Variants in PITPNM3 observed in about 807,000 individuals in gnomAD.
PITPNM3 encodes PITPNM family member 3.
PITPNM3 carries 26 observed loss-of-function variants against 102.0 expected under a neutral mutation model. The observed-to-expected ratio is 0.25, with a 90% CI of 0.19 to 0.35. The LOEUF is 0.35. PITPNM3 is among the 10% of genes least tolerant of loss of function. The probability of loss-of-function intolerance (pLI) is 1.00; values close to 1 mark genes in which losing one functional copy is unlikely to be tolerated. For missense variants in PITPNM3, 1,083 were observed against 1,346.1 expected, an observed-to-expected ratio of 0.80 and a Z score of 3.06; for synonymous variants, 578 against 558.6, an observed-to-expected ratio of 1.03 and a Z score of -0.49.
intron 14 of PITPNM3, among the ~76,000 whole-genome samples, chr17:6,467,570 C>T (rs962205258): frequency 1.3e-5 from 2 of 152,206 alleles, no homozygotes; most frequent in Admixed American, 6.5e-5. Context: ...TCTCCTTCTA[C>T]CTTTTAGGAC....
At chr17:6,491,159 G>A (rs1053003496) in intron 4 of PITPNM3, among the ~76,000 whole-genome samples, 3 of 150,392 alleles carry the variant, frequency 2.0e-5, no homozygotes, top group Non-Finnish European at 3.0e-5. Context: ...GCTCTGATAG[G>A]TACTCTTGGA....
At chr17:6,547,594 G>A (rs994005191) in intron 1 of PITPNM3, among the ~76,000 whole-genome samples, 4 of 152,158 alleles carry the variant, frequency 2.6e-5, no homozygotes, top group Non-Finnish European at 5.9e-5. Flanking sequence ...AGGACAGCAG[G>A]AGGCATTCCT....
Position 6,470,526 on chromosome 17 carries a change from G to A in PITPNM3, c.1625-118C>T. 2.2e-6 allele frequency: 3 copies of A among 1,391,800 alleles called. No homozygotes were observed. Among genetic ancestry groups the A allele is most frequent in the Admixed American group, 3.6e-5 (2 of 54,988 alleles). The allele number at this position is 1,391,800 out of a possible 1,614,324, so 86.2% of individuals were successfully genotyped here. The stretch of plus-strand genomic sequence containing the variant: ...ATGCCCCACGTGGGGCACGGGTTTG[G>A]GCGGGAGCACCCTGGCCTGGAGGAG... On this transcript the variant is annotated intron_variant, in intron 12 of 19. Transcript: ENST00000262483. This position sits in a 1 kb window ranked among gnomAD's most constrained non-coding sequence, Gnocchi z 4.8.
intron 4 of PITPNM3, among the ~76,000 whole-genome samples, chr17:6,499,211 G>T (rs1027409518): frequency 6.6e-6 from 1 of 152,300 alleles, no homozygotes; most frequent in East Asian, 1.9e-4. Context: ...ACAGCAGGCT[G>T]CCAGGCTGCC....
At position 6,463,796 on chromosome 17, in the gene PITPNM3, C is replaced by T. The variant is rs139258076; in HGVS notation, c.2242G>A (p.Ala748Thr). The change falls in exon 17 of 20, where the codon GCG becomes ACG. Residue 748 changes from alanine (A) to threonine (T), a missense_variant. By Grantham distance (58) the Ala-to-Thr change is moderately conservative (BLOSUM62 0). Transcript: ENST00000262483. ...CTTCCCATGATAGACACGCTGGCCG[C>T]GAAGGACCCATCAATGCTGAACACT... ...CVVFSIDGSF[A>T]ASVSIMGSDP... 4.3e-6 allele frequency: 7 copies of T among 1,613,268 alleles called. No individual in the cohort carries two copies. Among genetic ancestry groups the T allele is most frequent in the South Asian group, 2.2e-5 (2 of 90,954 alleles).
At position 6,457,284 on chromosome 17, in the gene PITPNM3, G is replaced by A. The variant is rs1216821253; in HGVS notation, c.2619+310C>T. 2.0e-5 allele frequency among the ~76,000 whole-genome samples: 3 copies of A among 152,126 alleles called. No homozygotes were observed. Among genetic ancestry groups the A allele is most frequent in the African/African-American group, 7.2e-5 (3 of 41,418 alleles). ...AGTCTGGGTTAGCGGTCCCTCTCCAGGGCCCCACAGTTCCCTGTGCTCCCG... is the reference window on the plus strand; with the variant it reads ...AGTCTGGGTTAGCGGTCCCTCTCCAAGGCCCCACAGTTCCCTGTGCTCCCG... On this transcript the variant is annotated intron_variant, in intron 19 of 19. Coordinates refer to ENST00000262483, the MANE Select transcript of PITPNM3 (RefSeq NM_031220.4). This position sits in a 1 kb window ranked among gnomAD's most constrained non-coding sequence, Gnocchi z 4.7.
intron 3 of PITPNM3, among the ~76,000 whole-genome samples, chr17:6,507,444 C>T (rs919060578): frequency 3.3e-5 from 5 of 151,992 alleles, no homozygotes; most frequent in African/African-American, 1.2e-4. Flanking sequence ...ATTAGCTGGG[C>T]GTGGTGGCGC....
intron 3 of PITPNM3, among the ~76,000 whole-genome samples, chr17:6,519,465 G>A (rs986448989): frequency 5.3e-5 from 8 of 151,382 alleles, no homozygotes; most frequent in African/African-American, 1.9e-4. Context: ...CTTGCAGTGA[G>A]CCGAGATAGC....
chr17:6,463,163 C>A (rs1404532132), intron 17 of PITPNM3, among the ~76,000 whole-genome samples: 3 of 152,134 alleles, frequency 2.0e-5, no homozygotes, highest in Admixed American at 1.3e-4. Context: ...GTCTTCTCTC[C>A]CCAAAACCGT....
At position 6,537,256 on chromosome 17, in the gene PITPNM3, C is replaced by CTTTTTTTTTTTT. The variant is rs201959934; in HGVS notation, c.118+719_118+730dup. ...TATGAGGCTCATTTATTTTTTCTTT[C>CTTTTTTTTTTTT]TTTTTTTTTTTTTTTTTTCTGAGAC... is the stretch of plus-strand genomic sequence containing the variant. On this transcript the variant is annotated intron_variant, in intron 2 of 19. Transcript: ENST00000262483. The surrounding 1 kb of genome is among the most constrained non-coding windows in gnomAD (Gnocchi z 4.4). Among the ~76,000 whole-genome samples, 1 of 128,280 alleles carries CTTTTTTTTTTTT rather than the reference C, an allele frequency of 7.8e-6. No individual in the cohort carries two copies. The highest frequency in any genetic ancestry group is 3.2e-5 in the African/African-American group (1 of 31,734). 84.2% of individuals were successfully genotyped at this position (128,280 alleles called of 152,430 possible).
In PITPNM3 at chr17:6,472,713, A is replaced by G; in HGVS notation, c.1373T>C (p.Val458Ala). 6.2e-7 allele frequency: 1 copy of G among 1,614,026 alleles called. No individual in the cohort carries two copies. The highest frequency in any genetic ancestry group is 8.5e-7 in the Non-Finnish European group (1 of 1,179,978). Residue 458 changes from valine (V) to alanine (A), a missense_variant, in exon 11 of 20, where the codon GTC becomes GCC. By Grantham distance (64) the Val-to-Ala change is moderately conservative. Coordinates refer to ENST00000262483, the MANE Select transcript of PITPNM3 (RefSeq NM_031220.4). This position sits in a 1 kb window ranked among gnomAD's most constrained non-coding sequence, Gnocchi z 4.1. ...GAACCTCTGGTAGCGAGGCACGCTG[A>G]CAGGCGGCACCAGGTGGAACTTGGG... ...LEPKFHLVPP[V>A]SVPRYQRFPL... is the part of the protein sequence containing the mutation.
chr17:6,464,399 T>A, intron 15 of PITPNM3, 81 bp from the exon 16 acceptor site: 1 of 1,436,032 alleles, frequency 7.0e-7, no homozygotes, highest in Non-Finnish European at 9.7e-7. Context: ...GGGGGAACTC[T>A]GGGCTGAGGT....
At chr17:6,499,561 C>G (rs944652974) in intron 4 of PITPNM3, among the ~76,000 whole-genome samples, 11 of 152,292 alleles carry the variant, frequency 7.2e-5, no homozygotes, top group Non-Finnish European at 1.2e-4. Context: ...ACCAGGTGTT[C>G]CAGCTTCCAA....
chr17:6,505,257 A>C (rs1229006352), intron 3 of PITPNM3, among the ~76,000 whole-genome samples: 2 of 150,644 alleles, frequency 1.3e-5, no homozygotes, highest in Non-Finnish European at 2.9e-5. Flanking sequence ...ACAGGTGTTC[A>C]ATAAGTGAGG....
chr17:6,472,124 C>T lies in PITPNM3; in HGVS notation c.1429+533G>A, dbSNP rs1015345520. 6.6e-6 allele frequency among the ~76,000 whole-genome samples: 1 copy of T among 152,204 alleles called. No homozygotes were observed. Among genetic ancestry groups the T allele is most frequent in the African/African-American group, 2.4e-5 (1 of 41,450 alleles). ...CGATACACTCGGTCCATGCCCGGTT[C>T]ACCCCACTTGACCCTGGAGGCCACT... is the stretch of plus-strand genomic sequence containing the variant. On this transcript the variant is annotated intron_variant, in intron 11 of 19. Transcript: ENST00000262483. This position sits in a 1 kb window ranked among gnomAD's most constrained non-coding sequence, Gnocchi z 4.1.
intron 3 of PITPNM3, among the ~76,000 whole-genome samples, chr17:6,524,833 GC>G (rs1237604996): frequency 6.6e-6 from 1 of 152,194 alleles, no homozygotes; most frequent in Non-Finnish European, 1.5e-5. Context: ...GAATCAGCCT[GC>G]TTTGTAGGCT....
At chr17:6,476,962 A>T in intron 9 of PITPNM3, 67 bp downstream of exon 9, 1 of 1,566,352 alleles carries the variant, frequency 6.4e-7, no homozygotes, top group Non-Finnish European at 8.7e-7. Context: ...GGGACATCTG[A>T]CTGGTCACAG....
At chr17:6,489,993 C>A (rs1475770508) in intron 4 of PITPNM3, among the ~76,000 whole-genome samples, 3 of 151,208 alleles carry the variant, frequency 2.0e-5, no homozygotes, top group African/African-American at 7.3e-5. Flanking sequence ...ACAGACAGAG[C>A]GAGACTCCAT....
Position 6,470,211 on chromosome 17 carries a change from TACCCCCTTGGGGTGG to T in PITPNM3, c.1773+34_1773+48del, listed in dbSNP as rs1567663845. The T allele has an allele frequency of 9.1e-6, 14 of 1,543,798 alleles. No homozygotes were observed. The highest frequency in any genetic ancestry group is 1.2e-5 in the Non-Finnish European group (14 of 1,137,862). On this transcript the variant is annotated intron_variant, in intron 13 of 19. Coordinates refer to ENST00000262483, the MANE Select transcript of PITPNM3 (RefSeq NM_031220.4). This position sits in a 1 kb window ranked among gnomAD's most constrained non-coding sequence, Gnocchi z 4.8. ...TCCTCTCCAGCTGGAGAAGGGGCGG[TACCCCCTTGGGGTGG>T]CTGTGGGCAGGCCCGCGACTGCGGC...
Sources: gnomAD v4.1 joint callset for allele counts (sites outside exome capture counted in the v4.1 genomes callset) on GRCh38, gnomAD v4.1.1 for gene constraint, Gnocchi (gnomAD v3.1) non-coding constraint, MANE v1.5 for transcripts, NCBI Gene and HGNC (gene_info 2026-07-23, HGNC 2026-07-21) for gene names.